Variants in GUCY1A2 observed in about 807,000 individuals in gnomAD.
GUCY1A2 encodes the protein guanylate cyclase 1 soluble subunit alpha 2.
A neutral mutation model predicts 63.5 loss-of-function variants in GUCY1A2; 27 were observed. That is an observed-to-expected ratio of 0.43 (90% CI 0.31 to 0.59). The LOEUF (loss-of-function observed/expected upper bound fraction) is 0.59. Ranked by LOEUF, GUCY1A2 falls within the 20% of genes least tolerant of loss-of-function variation. The probability of loss-of-function intolerance (pLI) is 0.11; values close to 1 mark genes in which losing one functional copy is unlikely to be tolerated. For synonymous variants in GUCY1A2, 364 were observed against 343.5 expected (o/e 1.06, Z -0.66); for missense variants, 768 against 913.3 (o/e 0.84, Z 2.05).
At chr11:106,901,025 T>C (rs974070991) in intron 4 of GUCY1A2, among the ~76,000 whole-genome samples, 12 of 152,202 alleles carry the variant, frequency 7.9e-5, no homozygotes, top group Non-Finnish European at 8.8e-5. Flanking sequence ...GATTTCTCTC[T>C]AACATGCAAT....
intron 6 of GUCY1A2, among the ~76,000 whole-genome samples, chr11:106,747,108 C>G (rs1863802489): frequency 6.6e-6 from 1 of 152,110 alleles, no homozygotes; most frequent in Non-Finnish European, 1.5e-5. Context: ...CTGCCTCAGC[C>G]TCCCAAATAG....
intron 7 of GUCY1A2, among the ~76,000 whole-genome samples, chr11:106,687,957 TA>T (rs575022183): frequency 2.6e-5 from 4 of 152,076 alleles, no homozygotes; most frequent in Non-Finnish European, 4.4e-5. Context: ...GTGATAATAA[TA>T]AAAAAACCCC....
At chr11:106,866,357 A>G (rs955340752) in intron 4 of GUCY1A2, among the ~76,000 whole-genome samples, 4 of 152,090 alleles carry the variant, frequency 2.6e-5, no homozygotes, top group African/African-American at 9.7e-5. Context: ...ATGAGTCACA[A>G]AACATTTCCT....
At chr11:106,891,168 T>C (rs1271784075) in intron 4 of GUCY1A2, among the ~76,000 whole-genome samples, 1 of 152,154 alleles carries the variant, frequency 6.6e-6, no homozygotes, top group Non-Finnish European at 1.5e-5. Flanking sequence ...ATGTGAGCCA[T>C]TGGTAGTGGT....
chr11:106,889,639 G>T (rs992718727), intron 4 of GUCY1A2, among the ~76,000 whole-genome samples: 1 of 152,070 alleles, frequency 6.6e-6, no homozygotes, highest in African/African-American at 2.4e-5. Flanking sequence ...TCTTCATTTT[G>T]AAATCTCTTG....
intron 3 of GUCY1A2, among the ~76,000 whole-genome samples, chr11:106,942,157 C>T (rs962115252): frequency 6.6e-6 from 1 of 152,154 alleles, no homozygotes; most frequent in Non-Finnish European, 1.5e-5. Flanking sequence ...TTCATAAATA[C>T]TTAAATCAAT....
At chr11:106,765,276 T>C (rs1864143259) in intron 6 of GUCY1A2, among the ~76,000 whole-genome samples, 1 of 152,098 alleles carries the variant, frequency 6.6e-6, no homozygotes, top group African/African-American at 2.4e-5. Flanking sequence ...AATGTAGGTC[T>C]GAATGTAAAT....
chr11:106,798,793 C>T (rs1235450647), intron 5 of GUCY1A2, among the ~76,000 whole-genome samples: 1 of 151,970 alleles, frequency 6.6e-6, no homozygotes, highest in South Asian at 2.1e-4. Flanking sequence ...TTATGACAAA[C>T]CCACAGCCAA....
At chr11:106,827,966 C>G (rs529421528) in intron 4 of GUCY1A2, 3 of 900,888 alleles carry the variant, frequency 3.3e-6, no homozygotes, top group Admixed American at 4.0e-5. Flanking sequence ...AGGAAGCAGC[C>G]GCGAGGCGGT....
At chr11:106,705,383 T>G (rs1462612090) in intron 7 of GUCY1A2, among the ~76,000 whole-genome samples, 2 of 152,170 alleles carry the variant, frequency 1.3e-5, no homozygotes, top group Non-Finnish European at 2.9e-5. Context: ...AACCCATTCT[T>G]TCTTTGGAAT....
chr11:107,002,600 A>G (rs567352480), intron 1 of GUCY1A2, among the ~76,000 whole-genome samples: 1 of 152,324 alleles, frequency 6.6e-6, no homozygotes, highest in South Asian at 2.1e-4. Context: ...AAAGCTATTG[A>G]TAAGACAATC....
chr11:106,972,136 T>A (rs1423755668), intron 3 of GUCY1A2, among the ~76,000 whole-genome samples: 1 of 152,100 alleles, frequency 6.6e-6, no homozygotes, highest in Non-Finnish European at 1.5e-5. Flanking sequence ...GTCAACTAAA[T>A]GTAATGTGAA....
chr11:106,773,864 TTTAATG>T (rs2135400510), intron 6 of GUCY1A2, among the ~76,000 whole-genome samples: 1 of 152,320 alleles, frequency 6.6e-6, no homozygotes, highest in South Asian at 2.1e-4. Context: ...AGGTTTTAAT[TTTAATG>T]TTCTAAACTT....
At chr11:107,015,561 CAAAAAAAAAAAAAAAAAAAAAAAA>C (rs568139219) in intron 1 of GUCY1A2, among the ~76,000 whole-genome samples, 6 of 27,480 alleles carry the variant, frequency 2.2e-4, no homozygotes, top group Non-Finnish European at 4.0e-4. Flanking sequence ...TTCTCTTAGG[CAAAAAAAAAAAAAAAAAAAAAAAA>C]AAAAAAAAAA....
intron 5 of GUCY1A2, among the ~76,000 whole-genome samples, chr11:106,806,951 A>T (rs1858697464): frequency 6.6e-6 from 1 of 152,196 alleles, no homozygotes; most frequent in Non-Finnish European, 1.5e-5. Context: ...GAGTAATGAC[A>T]TGAAGAAGAG....
At chr11:106,922,265 G>T (rs763166269) in intron 4 of GUCY1A2, among the ~76,000 whole-genome samples, 3 of 152,064 alleles carry the variant, frequency 2.0e-5, no homozygotes, top group Non-Finnish European at 4.4e-5. Flanking sequence ...TTGAATTGAG[G>T]ATTATAAATG....
At chr11:106,939,261 A>C (rs1461395599) in intron 4 of GUCY1A2, among the ~76,000 whole-genome samples, 199 bp downstream of exon 4, 6 of 152,182 alleles carry the variant, frequency 3.9e-5, no homozygotes, top group Non-Finnish European at 1.5e-5. Context: ...GAAATAAATT[A>C]ATGGAGGAGG....
At chr11:106,883,815 G>C (rs1005048204) in intron 4 of GUCY1A2, among the ~76,000 whole-genome samples, 8 of 152,046 alleles carry the variant, frequency 5.3e-5, no homozygotes, top group African/African-American at 1.9e-4. Context: ...TTTGAGTCAG[G>C]TGTTGAAAGT....
At chr11:106,749,871 C>T (rs931951761) in intron 6 of GUCY1A2, among the ~76,000 whole-genome samples, 1 of 152,148 alleles carries the variant, frequency 6.6e-6, no homozygotes, top group Admixed American at 6.5e-5. Flanking sequence ...ATCATGTAAA[C>T]ATCTAGCACT....
Sources: allele counts gnomAD v4.1 joint callset (sites outside exome capture counted in the v4.1 genomes callset), GRCh38; gene constraint gnomAD v4.1.1; transcripts MANE v1.5; gene names NCBI Gene and HGNC (gene_info 2026-07-23, HGNC 2026-07-21).